The following PALD1 variants were observed in gnomAD, a reference collection of about 807,000 sequenced individuals.
The protein encoded by PALD1 is phosphatase domain containing paladin 1, also known as paladin.
A neutral mutation model predicts 96.0 loss-of-function variants in PALD1; 57 were observed. The observed-to-expected ratio is 0.59, with a 90% CI of 0.48 to 0.74. The LOEUF is 0.74. Among genes scored for constraint, PALD1 ranks in the 30% least tolerant of loss-of-function variants. The probability of loss-of-function intolerance (pLI) is 0.00; values close to 1 mark genes in which losing one functional copy is unlikely to be tolerated. For synonymous variants in PALD1, 464 were observed against 473.6 expected (o/e 0.98, Z 0.26); for missense variants, 1,063 against 1,143.7 (o/e 0.93, Z 1.02).
At chr10:70,487,324 G>A (rs1022128095) in intron 1 of PALD1, among the ~76,000 whole-genome samples, 8 of 151,578 alleles carry the variant, frequency 5.3e-5, no homozygotes, top group Admixed American at 2.6e-4. Flanking sequence ...TAGTAGAGAC[G>A]GGGTTTCACT....
intron 1 of PALD1, among the ~76,000 whole-genome samples, chr10:70,523,774 A>G (rs915156): frequency 0.24 from 36,487 of 151,436 alleles, 5,812 homozygotes; most frequent in East Asian, 0.52. Context: ...TGGGGGTGGG[A>G]GGATCTTTCC....
chr10:70,502,770 G>A (rs764431851), intron 1 of PALD1, among the ~76,000 whole-genome samples: 5 of 152,204 alleles, frequency 3.3e-5, no homozygotes, highest in Non-Finnish European at 5.9e-5. Context: ...GAGAGAGCCC[G>A]TCCCCAGTGC....
chr10:70,554,297 C>T (rs112807867), intron 18 of PALD1, among the ~76,000 whole-genome samples: 26,646 of 152,052 alleles, frequency 0.18, 2,702 homozygotes, highest in Admixed American at 0.29. Context: ...AGCGTGGTGG[C>T]GCACACCTGT....
At chr10:70,485,169 T>TA in intron 1 of PALD1, among the ~76,000 whole-genome samples, 1 of 21,558 alleles carries the variant, frequency 4.6e-5, no homozygotes, top group South Asian at 1.7e-3. Context: ...TTATTAAAGT[T>TA]AAATTTTTTT....
chr10:70,525,198 G>T (rs1203345821), intron 1 of PALD1, among the ~76,000 whole-genome samples: 8 of 150,548 alleles, frequency 5.3e-5, no homozygotes, highest in Non-Finnish European at 8.9e-5. Context: ...TTTAAGTAGA[G>T]ATGGGGTTTC....
chr10:70,534,716 C>T, intron 9 of PALD1, 23 bp from the exon 10 acceptor site: 1 of 1,096,022 alleles, frequency 9.1e-7, no homozygotes, highest in South Asian at 1.3e-5. Flanking sequence ...CTCCCTCTTA[C>T]TTGCCTTGGT....
chr10:70,556,561 T>C (rs1276603272), intron 18 of PALD1, among the ~76,000 whole-genome samples: 1 of 152,112 alleles, frequency 6.6e-6, no homozygotes. Flanking sequence ...CAAGTCATCC[T>C]CTCGCCTCAG....
At chr10:70,518,227 C>T (rs7067564) in intron 1 of PALD1, among the ~76,000 whole-genome samples, 32,289 of 152,128 alleles carry the variant, frequency 0.21, 4,852 homozygotes, top group African/African-American at 0.42. Context: ...ATGGTGTGGA[C>T]CTATCACATT....
chr10:70,490,290 C>T (rs370068628), intron 1 of PALD1, among the ~76,000 whole-genome samples: 41 of 152,224 alleles, frequency 2.7e-4, no homozygotes, highest in African/African-American at 8.9e-4. Flanking sequence ...GGTGCAATCA[C>T]GGCTCACTGA....
chr10:70,517,937 C>A (rs966111243), intron 1 of PALD1, among the ~76,000 whole-genome samples: 1 of 151,772 alleles, frequency 6.6e-6, no homozygotes, highest in African/African-American at 2.4e-5. Context: ...GAGTTTCACT[C>A]TTGTTGCCCA....
intron 1 of PALD1, among the ~76,000 whole-genome samples, chr10:70,495,842 CAA>C (rs58815668): frequency 8.0e-4 from 69 of 86,658 alleles, no homozygotes; most frequent in East Asian, 2.4e-3. Flanking sequence ...CTTGTCTCTA[CAA>C]AAAAAAAAAA....
chr10:70,523,047 A>G (rs1846770366), intron 1 of PALD1, among the ~76,000 whole-genome samples: 1 of 152,156 alleles, frequency 6.6e-6, no homozygotes, highest in Non-Finnish European at 1.5e-5. Context: ...ACCCCCCTCT[A>G]GATATTTTGG....
intron 1 of PALD1, among the ~76,000 whole-genome samples, chr10:70,511,523 T>C (rs1406766306): frequency 6.6e-6 from 1 of 152,236 alleles, no homozygotes; most frequent in Admixed American, 6.5e-5. Flanking sequence ...CATTTTCTGC[T>C]GCTATCACAG....
chr10:70,474,096 T>C (rs1416977836), upstream of PALD1, among the ~76,000 whole-genome samples: 1 of 152,210 alleles, frequency 6.6e-6, no homozygotes, highest in Non-Finnish European at 1.5e-5. Flanking sequence ...CCACATGTCC[T>C]GGGTGCTCTT....
chr10:70,532,969 G>C, intron 6 of PALD1, 26 bp from the exon 7 acceptor site: 1 of 1,564,384 alleles, frequency 6.4e-7, no homozygotes, highest in African/African-American at 1.4e-5. Flanking sequence ...GTGCCTGCCT[G>C]ATGGCTGCTC....
At chr10:70,528,660 C>T (rs1007106566) in intron 2 of PALD1, among the ~76,000 whole-genome samples, 5 of 152,124 alleles carry the variant, frequency 3.3e-5, no homozygotes, top group Admixed American at 1.3e-4. Context: ...CAGGCTAGGC[C>T]GCTGTCATAA....
chr10:70,461,823 C>T, the PALD1 span, among the ~76,000 whole-genome samples: 3 of 152,098 alleles, frequency 2.0e-5, no homozygotes, highest in African/African-American at 4.8e-5. Flanking sequence ...GGCAGGGTCT[C>T]GCTCTGTCAC....
In PALD1 at chr10:70,527,512, G is replaced by T. The variant is rs547126375; in HGVS notation, c.185+1376G>T. ...TCCTTTCACTTACATAGTATCTGTG[G>T]ATGCTTAGGGCCTCAATGGCAGAAT... On this transcript the variant is annotated intron_variant, in intron 2 of 19. Coordinates refer to ENST00000263563, the MANE Select transcript of PALD1 (RefSeq NM_014431.3). Among the ~76,000 whole-genome samples, 7 of 152,302 alleles carry T rather than the reference G, an allele frequency of 4.6e-5. No homozygotes were observed. In the South Asian group the frequency reaches 1.5e-3, roughly 32 times the overall value.
At chr10:70,553,798 C>T (rs534229439) in intron 18 of PALD1, among the ~76,000 whole-genome samples, 13 of 152,306 alleles carry the variant, frequency 8.5e-5, no homozygotes, top group African/African-American at 3.1e-4. Flanking sequence ...CACCTTGAGC[C>T]CTGCTGCAGG....
Sources: gnomAD v4.1 joint callset for allele counts (sites outside exome capture counted in the v4.1 genomes callset) on GRCh38, gnomAD v4.1.1 for gene constraint, MANE v1.5 for transcripts, NCBI Gene and HGNC (gene_info 2026-07-23, HGNC 2026-07-21) for gene names.